The following PCDHGA11 variants were observed in gnomAD, a reference collection of about 807,000 sequenced individuals.
PCDHGA11 encodes the protein protocadherin gamma subfamily A, 11, also known as protocadherin gamma-A11.
A neutral mutation model predicts 60.4 loss-of-function variants in PCDHGA11; 39 were observed. That is an observed-to-expected ratio of 0.65 (90% CI 0.50 to 0.84). The LOEUF (loss-of-function observed/expected upper bound fraction) is 0.84, where lower values mean the gene tolerates loss of function less well. Among genes scored for constraint, PCDHGA11 ranks in the 40% least tolerant of loss-of-function variants. The pLI is 0.00. For synonymous variants in PCDHGA11, 533 were observed against 510.3 expected, an observed-to-expected ratio of 1.04 and a Z score of -0.60; for missense variants, 1,165 against 1,197.7, an observed-to-expected ratio of 0.97 and a Z score of 0.40.
chr5:141,422,115 T>C lies in PCDHGA11; in HGVS notation c.888T>C (p.Asp296=). The C allele has an allele frequency of 6.2e-7, 1 of 1,605,004 alleles. No homozygotes were observed. The highest frequency in any genetic ancestry group is 1.1e-5 in the South Asian group (1 of 89,032). ...ESKASEIFQL[D]SQTGEVQVRG... ...AGGCTTCTGAAATATTCCAATTGGATTCACAAACTGGAGAAGTTCAAGTAC... is the reference window on the plus strand; with the variant it reads ...AGGCTTCTGAAATATTCCAATTGGACTCACAAACTGGAGAAGTTCAAGTAC... The change falls in exon 1 of 4, where the codon GAT becomes GAC. Residue 296 remains aspartate (D), a synonymous_variant. Transcript: ENST00000398587.
chr5:141,499,572 T>C (rs2099792782), intron 2 of PCDHGA11, among the ~76,000 whole-genome samples: 1 of 152,178 alleles, frequency 6.6e-6, no homozygotes, highest in Admixed American at 6.5e-5. Flanking sequence ...CAGCTTCAAC[T>C]AATGCCTTAT....
rs994726301 is a variant in PCDHGA11, at chr5:141,476,632, T to C, written c.2434-18175T>C. ...TGGGAAGCAACTCTTTACAAACCTA[T>C]GAGCTGAGCCGAAATGAATACTTTG... On this transcript the variant is annotated intron_variant, in intron 1 of 3. Transcript: ENST00000398587. The surrounding 1 kb of genome is among the most constrained non-coding windows in gnomAD (Gnocchi z 7.6). The C allele has an allele frequency of 8.7e-6, 14 of 1,614,098 alleles. No homozygotes were observed. Among genetic ancestry groups the C allele is most frequent in the Admixed American group, 1.7e-5 (1 of 60,016 alleles).
chr5:141,499,402 A>G (rs2099791723), intron 2 of PCDHGA11, among the ~76,000 whole-genome samples: 2 of 152,212 alleles, frequency 1.3e-5, no homozygotes, highest in South Asian at 4.1e-4. Context: ...GTACATGCTC[A>G]TTATAGAAAC....
chr5:141,439,066 G>A (rs1004595196), intron 1 of PCDHGA11, among the ~76,000 whole-genome samples: 2 of 151,258 alleles, frequency 1.3e-5, no homozygotes, highest in African/African-American at 2.4e-5. Context: ...TGTGGCAGGC[G>A]CCTGTAATCC....
In PCDHGA11 at chr5:141,422,585, T is replaced by C. The variant is rs1193597044; in HGVS notation, c.1358T>C (p.Phe453Ser). ...GATGACAACGATAACCCTCCCGTTT[T>C]TCCTCACTCCTCTTACTCTGCCTAC... ...VADDNDNPPVFPHSSYSAYIP... is the reference protein window; with the variant it reads ...VADDNDNPPVSPHSSYSAYIP... The change falls in exon 1 of 4, where the codon TTT becomes TCT. Residue 453 changes from phenylalanine (F) to serine (S), a missense_variant. Phe to Ser is a radical substitution (Grantham distance 155, BLOSUM62 -2). Transcript: ENST00000398587. 2 of 1,613,930 alleles carry C rather than the reference T, an allele frequency of 1.2e-6. No individual in the cohort carries two copies. Among genetic ancestry groups the C allele is most frequent in the African/African-American group, 2.7e-5 (2 of 74,890 alleles).
rs1046764113 is a variant in PCDHGA11, at chr5:141,495,395, G to A, written c.2492+530G>A. Among the ~76,000 whole-genome samples the A allele has an allele frequency of 4.1e-4, 62 of 152,326 alleles. 1 individual carries two copies. The highest frequency in any genetic ancestry group is 1.4e-3 in the African/African-American group (57 of 41,576). On this transcript the variant is annotated intron_variant, in intron 2 of 3. Transcript: ENST00000398587. Reference sequence around the variant, plus strand: ...GAGGAAGGACTGGGCGGGGCATGGAGCAGGCCCCCTTCTCCGGCCCCTCCT... The same window carrying A: ...GAGGAAGGACTGGGCGGGGCATGGAACAGGCCCCCTTCTCCGGCCCCTCCT...
At position 141,511,256 on chromosome 5, in the gene PCDHGA11, T is replaced by C. The variant is rs1003866304; in HGVS notation, c.*83T>C. On this transcript the variant is annotated 3_prime_UTR_variant, in exon 4 of 4. Transcript: ENST00000398587. ...CTTACCTGCACCCAGGCCTCAGAGT[T>C]TCAGGGCTAACCCCCAGAATACTGG... The C allele has an allele frequency of 1.9e-6, 3 of 1,563,388 alleles. No homozygotes were observed. The highest frequency in any genetic ancestry group is 2.7e-5 in the African/African-American group (2 of 73,508).
At chr5:141,460,983 G>GTGTA (rs1554142949) in intron 1 of PCDHGA11, among the ~76,000 whole-genome samples, 1,579 of 137,794 alleles carry the variant, frequency 0.011, 39 homozygotes, top group African/African-American at 0.038. Context: ...GTGTGTGTGT[G>GTGTA]TATATATATA....
At chr5:141,446,621 C>T (rs1284919173) in intron 1 of PCDHGA11, among the ~76,000 whole-genome samples, 2 of 152,094 alleles carry the variant, frequency 1.3e-5, no homozygotes, top group Non-Finnish European at 2.9e-5. Flanking sequence ...GGACTACAGG[C>T]GTGCACCACC....
chr5:141,493,340 T>C lies in PCDHGA11; in HGVS notation c.2434-1467T>C, dbSNP rs889623993. Among the ~76,000 whole-genome samples, 1 of 152,202 alleles carries C rather than the reference T, an allele frequency of 6.6e-6. No homozygotes were observed. Among genetic ancestry groups the C allele is most frequent in the Admixed American group, 6.5e-5 (1 of 15,288 alleles). Reference sequence around the variant, plus strand: ...TTCTAACCCCTGTCTAACTCCAGAATGTGTGCTTTTAATTTCTTGGCACTT... The same window carrying C: ...TTCTAACCCCTGTCTAACTCCAGAACGTGTGCTTTTAATTTCTTGGCACTT... On this transcript the variant is annotated intron_variant, in intron 1 of 3. Coordinates refer to ENST00000398587, the MANE Select transcript of PCDHGA11 (RefSeq NM_018914.3). The surrounding 1 kb of genome is among the most constrained non-coding windows in gnomAD (Gnocchi z 4.3).
At position 141,486,785 on chromosome 5, in the gene PCDHGA11, C is replaced by T. The variant is rs763174232; in HGVS notation, c.2434-8022C>T. 1.2e-5 allele frequency: 20 copies of T among 1,614,102 alleles called. No homozygotes were observed. The highest frequency in any genetic ancestry group is 5.3e-5 in the African/African-American group (4 of 74,936). On this transcript the variant is annotated intron_variant, in intron 1 of 3. Transcript: ENST00000398587. This position sits in a 1 kb window ranked among gnomAD's most constrained non-coding sequence, Gnocchi z 5.0. ...GACACTGCAGTTTGAGGTGCAGGCC[C>T]GGGATCGGGGCAACCCACCCCTTAG...
intron 1 of PCDHGA11, among the ~76,000 whole-genome samples, chr5:141,448,877 G>A (rs1421211206): frequency 6.6e-6 from 1 of 152,112 alleles, no homozygotes; most frequent in African/African-American, 2.4e-5. Flanking sequence ...CCTGGGAGGC[G>A]GAGCTTGCAG....
At position 141,431,639 on chromosome 5, in the gene PCDHGA11, C is replaced by T; in HGVS notation, c.2433+7979C>T. 1 of 1,614,262 alleles carries T rather than the reference C, an allele frequency of 6.2e-7. No homozygotes were observed. The highest frequency in any genetic ancestry group is 8.5e-7 in the Non-Finnish European group (1 of 1,180,046). On this transcript the variant is annotated intron_variant, in intron 1 of 3. Transcript: ENST00000398587. This position sits in a 1 kb window ranked among gnomAD's most constrained non-coding sequence, Gnocchi z 4.8. Reference sequence around the variant, plus strand: ...CGACAAGGCGGCCCAAGTTTTCAAACTAGATTGTAATTCAGGGACAATATC... The same window carrying T: ...CGACAAGGCGGCCCAAGTTTTCAAATTAGATTGTAATTCAGGGACAATATC...
At chr5:141,482,876 AGCCTG>A (rs2099574018) in intron 1 of PCDHGA11, among the ~76,000 whole-genome samples, 1 of 152,142 alleles carries the variant, frequency 6.6e-6, no homozygotes, top group Admixed American at 6.5e-5. Flanking sequence ...GTTTGAAACC[AGCCTG>A]GCCAACATGG....
At chr5:141,500,455 C>T (rs1254764658) in intron 2 of PCDHGA11, among the ~76,000 whole-genome samples, 4 of 151,986 alleles carry the variant, frequency 2.6e-5, no homozygotes, top group Non-Finnish European at 5.9e-5. Context: ...GTGATCCGCC[C>T]GCCTCGGCCT....
At chr5:141,496,948 G>A (rs2099772844) in intron 2 of PCDHGA11, among the ~76,000 whole-genome samples, 1 of 151,826 alleles carries the variant, frequency 6.6e-6, no homozygotes, top group Admixed American at 6.6e-5. Context: ...CACTTTGGGA[G>A]GCCAAGGTGG....
chr5:141,421,562 A>G lies in PCDHGA11; in HGVS notation c.335A>G (p.Glu112Gly), dbSNP rs1326874908. Residue 112 changes from glutamate (E) to glycine (G), a missense_variant, in exon 1 of 4, where the codon GAA (glutamate) becomes GGA (glycine). Transcript: ENST00000398587. ...SCFLNMELLV[E>G]DTLKIYGVEV... ...TTTTTAAATATGGAACTTCTCGTGG[A>G]AGACACCTTGAAGATTTACGGAGTG... is the stretch of plus-strand genomic sequence containing the variant. The G allele has an allele frequency of 6.2e-7, 1 of 1,613,992 alleles. No individual in the cohort carries two copies. Among genetic ancestry groups the G allele is most frequent in the South Asian group, 1.1e-5 (1 of 91,088 alleles).
chr5:141,472,079 G>T (rs2099271048), intron 1 of PCDHGA11, among the ~76,000 whole-genome samples: 1 of 152,124 alleles, frequency 6.6e-6, no homozygotes, highest in African/African-American at 2.4e-5. Flanking sequence ...TTATATCAAT[G>T]AGTACTATTA....
chr5:141,504,135 C>T (rs758903340), intron 2 of PCDHGA11, among the ~76,000 whole-genome samples: 1 of 152,188 alleles, frequency 6.6e-6, no homozygotes, highest in Non-Finnish European at 1.5e-5. Context: ...CCCGCCAACA[C>T]TCCCCTGCAA....
Sources: gnomAD v4.1 joint callset for allele counts (sites outside exome capture counted in the v4.1 genomes callset) on GRCh38, gnomAD v4.1.1 for gene constraint, Gnocchi (gnomAD v3.1) non-coding constraint, MANE v1.5 for transcripts, NCBI Gene and HGNC (gene_info 2026-07-23, HGNC 2026-07-21) for gene names.